PUM2: variants seen among roughly 807,000 people sequenced by gnomAD.
The protein encoded by PUM2 is pumilio RNA binding family member 2.
Under a neutral mutation model 124.5 loss-of-function variants are expected in PUM2, and 57 were observed. The observed-to-expected ratio is 0.46, with a 90% confidence interval of 0.37 to 0.57. PUM2 has a LOEUF of 0.57. Among genes scored for constraint, PUM2 ranks in the 20% least tolerant of loss-of-function variants. The pLI is 0.00. For missense variants in PUM2, 1,065 were observed against 1,290.6 expected (o/e 0.83, Z 2.68); for synonymous variants, 460 against 446.1 (o/e 1.03, Z -0.39).
At chr2:20,313,943 G>C (rs1039538065) in intron 3 of PUM2, among the ~76,000 whole-genome samples, 9 of 148,530 alleles carry the variant, frequency 6.1e-5, no homozygotes, top group South Asian at 4.3e-4. Flanking sequence ...AGGAGTTCAA[G>C]ACCAGCCTGG....
chr2:20,289,795 C>T (rs1171702678), intron 10 of PUM2, among the ~76,000 whole-genome samples: 1 of 152,156 alleles, frequency 6.6e-6, no homozygotes, highest in East Asian at 1.9e-4. Flanking sequence ...ACACTGAACA[C>T]ATTTCCTAAA....
chr2:20,344,178 G>T (rs1041787577), intron 1 of PUM2, among the ~76,000 whole-genome samples: 1 of 151,936 alleles, frequency 6.6e-6, no homozygotes, highest in African/African-American at 2.4e-5. Context: ...AGAGATCCTC[G>T]CGCCTCAGCC....
At chr2:20,322,056 A>C (rs1194088802) in intron 2 of PUM2, among the ~76,000 whole-genome samples, 1 of 152,202 alleles carries the variant, frequency 6.6e-6, no homozygotes, top group Non-Finnish European at 1.5e-5. Flanking sequence ...TTAAATTGTT[A>C]TGGAAAACCC....
Position 20,318,603 on chromosome 2 carries a change from T to C in PUM2, c.94A>G (p.Lys32Glu). The C allele has an allele frequency of 3.7e-6, 6 of 1,613,784 alleles. No homozygotes were observed. Among genetic ancestry groups the C allele is most frequent in the Non-Finnish European group, 5.1e-6 (6 of 1,179,958 alleles). The stretch of plus-strand genomic sequence containing the variant: ...AGAAATATGCCTTTTTGTCCATCTT[T>C]TGTTGAATCATCAGGTTCCCAAAAC... ...KKFWEPDDST[K>E]DGQKGIFLGD... The change falls in exon 3 of 21, where the codon AAA becomes GAA. Residue 32 changes from lysine to glutamate, a missense_variant. Transcript: ENST00000361078.
At chr2:20,317,760 T>C (rs1681350283) in intron 3 of PUM2, among the ~76,000 whole-genome samples, 2 of 152,146 alleles carry the variant, frequency 1.3e-5, no homozygotes, top group African/African-American at 4.8e-5. Flanking sequence ...TTTGTGTCCC[T>C]GTGTTCTCGT....
At chr2:20,259,785 T>C (rs1665727432) in intron 15 of PUM2, among the ~76,000 whole-genome samples, 1 of 152,236 alleles carries the variant, frequency 6.6e-6, no homozygotes, top group African/African-American at 2.4e-5. Context: ...TGCTTTCAAT[T>C]GTACCCCTAG....
At position 20,308,470 on chromosome 2, in the gene PUM2, T is replaced by C; in HGVS notation, c.633A>G (p.Pro211=). The change falls in exon 6 of 21, where the codon CCA becomes CCG. Residue 211 remains proline, a synonymous_variant. Coordinates refer to ENST00000361078, the MANE Select transcript of PUM2 (RefSeq NM_015317.5). ...GPLPNPTANK[P]LVEEFSNPET... ...CAGGATTTGAAAATTCTTCAACAAGTGGTTTATTAGCTGTAGGATTAGGAA... is the reference window on the plus strand; with the variant it reads ...CAGGATTTGAAAATTCTTCAACAAGCGGTTTATTAGCTGTAGGATTAGGAA... 6.2e-7 allele frequency: 1 copy of C among 1,614,112 alleles called. No homozygotes were observed. Among genetic ancestry groups the C allele is most frequent in the South Asian group, 1.1e-5 (1 of 91,076 alleles).
At chr2:20,262,270 T>C (rs189865105) in intron 14 of PUM2, among the ~76,000 whole-genome samples, 3 of 152,386 alleles carry the variant, frequency 2.0e-5, no homozygotes, top group Admixed American at 6.5e-5. Context: ...CTTCCAGTCC[T>C]GCAAGCTCCA....
At chr2:20,340,865 T>C (rs908043973) in intron 1 of PUM2, among the ~76,000 whole-genome samples, 1 of 152,322 alleles carries the variant, frequency 6.6e-6, no homozygotes, top group East Asian at 1.9e-4. Context: ...ATGAACTCGA[T>C]CTCATTTGTC....
At chr2:20,319,665 A>T (rs570477538) in intron 2 of PUM2, among the ~76,000 whole-genome samples, 1 of 152,338 alleles carries the variant, frequency 6.6e-6, no homozygotes, top group Admixed American at 6.5e-5. Flanking sequence ...ATAGTAAACC[A>T]TTAATAAACG....
chr2:20,268,453 T>C (rs532319947), intron 13 of PUM2, among the ~76,000 whole-genome samples: 2 of 152,088 alleles, frequency 1.3e-5, no homozygotes, highest in Admixed American at 6.5e-5. Flanking sequence ...CTCCACTATA[T>C]GTATGTGTAA....
upstream of PUM2, among the ~76,000 whole-genome samples, chr2:20,351,181 C>T (rs1689306075): frequency 1.3e-5 from 2 of 152,190 alleles, no homozygotes; most frequent in African/African-American, 4.8e-5. Context: ...CCCTCGGCTT[C>T]CTACCCGGTT....
chr2:20,293,244 CG>C (rs1392196228), intron 9 of PUM2, among the ~76,000 whole-genome samples: 5 of 152,182 alleles, frequency 3.3e-5, no homozygotes, highest in Non-Finnish European at 5.9e-5. Flanking sequence ...AAGTGGGAGT[CG>C]TAAGTCCTTC....
chr2:20,306,369 A>T (rs776937059), intron 7 of PUM2, among the ~76,000 whole-genome samples: 10 of 152,176 alleles, frequency 6.6e-5, no homozygotes, highest in Non-Finnish European at 1.2e-4. Context: ...AAGAACCAAA[A>T]ACTTAAAACC....
chr2:20,276,633 C>G (rs1346949410), intron 13 of PUM2, among the ~76,000 whole-genome samples: 1 of 151,830 alleles, frequency 6.6e-6, no homozygotes, highest in East Asian at 1.9e-4. Flanking sequence ...AGCCTTGCAT[C>G]ATGATCCATT....
At chr2:20,324,495 T>C (rs1683186065) in intron 2 of PUM2, among the ~76,000 whole-genome samples, 1 of 152,206 alleles carries the variant, frequency 6.6e-6, no homozygotes, top group Non-Finnish European at 1.5e-5. Flanking sequence ...TTTCCTGTTA[T>C]TTAAAAAATA....
intron 9 of PUM2, among the ~76,000 whole-genome samples, chr2:20,291,452 A>G (rs1674054048): frequency 6.6e-6 from 1 of 152,190 alleles, no homozygotes; most frequent in Admixed American, 6.6e-5. Flanking sequence ...ACTTTATCCG[A>G]CCGACTGCAT....
intron 3 of PUM2, 38 bp from the exon 4 acceptor site, chr2:20,312,461 TTTAAG>T: frequency 6.5e-7 from 1 of 1,539,224 alleles, no homozygotes. Context: ...TACTTATACT[TTTAAG>T]TTAAACAAAA....
upstream of PUM2, among the ~76,000 whole-genome samples, chr2:20,351,863 C>T (rs1689373214): frequency 6.6e-6 from 1 of 152,190 alleles, no homozygotes; most frequent in Non-Finnish European, 1.5e-5. Context: ...CACACTGTGC[C>T]CGCAAGTGCC....
Sources: allele counts gnomAD v4.1 joint callset (sites outside exome capture counted in the v4.1 genomes callset), GRCh38; gene constraint gnomAD v4.1.1; transcripts MANE v1.5; gene names NCBI Gene and HGNC (gene_info 2026-07-23, HGNC 2026-07-21).